The following FBLIM1 variants were observed in gnomAD, a reference collection of about 807,000 sequenced individuals.
FBLIM1 encodes the protein filamin binding LIM protein 1.
FBLIM1 carries 29 observed loss-of-function variants against 37.4 expected under a neutral mutation model. That is an observed-to-expected ratio of 0.77 (90% confidence interval 0.58 to 1.06). The LOEUF is 1.06. Among genes scored for constraint, FBLIM1 ranks in the 50% least tolerant of loss-of-function variants. The pLI is 0.00. For synonymous variants in FBLIM1, 193 were observed against 199.0 expected, an observed-to-expected ratio of 0.97 and a Z score of 0.25; for missense variants, 449 against 505.6, an observed-to-expected ratio of 0.89 and a Z score of 1.07.
In FBLIM1 at chr1:15,765,810, G is replaced by T. The variant is rs1352541963; in HGVS notation, c.250+577G>T. Among the ~76,000 whole-genome samples the T allele has an allele frequency of 1.3e-5, 2 of 152,144 alleles. No homozygotes were observed. Among genetic ancestry groups the T allele is most frequent in the South Asian group, 2.1e-4 (1 of 4,824 alleles). On this transcript the variant is annotated intron_variant, in intron 3 of 8. Transcript: ENST00000375766. The surrounding 1 kb of genome is among the most constrained non-coding windows in gnomAD (Gnocchi z 5.9). ...CCCCTTTCTGCCCACCTGCCCTGTG[G>T]CCTCGGGTCCCCCTGCTTCTCTCTT...
At chr1:15,756,783 A>G (rs2068449027), upstream of FBLIM1, 1 of 152,238 alleles carries the variant, frequency 6.6e-6, no homozygotes, top group Non-Finnish European at 1.5e-5. Flanking sequence ...TCCCAGAGCA[A>G]ATGTGGGAAG....
chr1:15,775,068 A>C, intron 7 of FBLIM1: 1 of 633,402 alleles, frequency 1.6e-6, no homozygotes. Flanking sequence ...AATACAAAAA[A>C]AATTAGCCAG....
At chr1:15,772,421 T>G (rs1355288385) in intron 6 of FBLIM1, among the ~76,000 whole-genome samples, 4 of 152,026 alleles carry the variant, frequency 2.6e-5, no homozygotes, top group Admixed American at 6.6e-5. Context: ...GGAGGAAGAC[T>G]TGAGCAGTGT....
intron 8 of FBLIM1, 34 bp downstream of exon 8, chr1:15,777,321 A>T (rs150990423): frequency 5.3e-6 from 8 of 1,519,584 alleles, no homozygotes; most frequent in Middle Eastern, 3.4e-4. Context: ...ATAACATTCC[A>T]TTGCTGCGTG....
At chr1:15,761,505 G>GTCGTTT (rs2068671530) in intron 1 of FBLIM1, among the ~76,000 whole-genome samples, 1 of 152,160 alleles carries the variant, frequency 6.6e-6, no homozygotes, top group Non-Finnish European at 1.5e-5. Context: ...TTATCAGCAA[G>GTCGTTT]TCGTTTGGTA....
chr1:15,758,901 C>G lies in FBLIM1; in HGVS notation c.-211+53C>G, dbSNP rs975260658. On this transcript the variant is annotated intron_variant, in intron 1 of 8. Transcript: ENST00000375766. This position sits in a 1 kb window ranked among gnomAD's most constrained non-coding sequence, Gnocchi z 6.2. The stretch of plus-strand genomic sequence containing the variant: ...CGTCCCTCCGTCCCTGTCCCCGGTG[C>G]ACACAGGTGACAGCGCCGGCAGTGC... 4.6e-5 allele frequency: 7 copies of G among 152,048 alleles called. No homozygotes were observed. Among genetic ancestry groups the G allele is most frequent in the African/African-American group, 1.7e-4 (7 of 41,438 alleles). The allele number at this position is 152,048 out of a possible 1,614,324, so 9.4% of individuals were successfully genotyped here.
intron 2 of FBLIM1, 27 bp from the exon 3 acceptor site, chr1:15,764,937 C>A (rs773402799): frequency 1.3e-5 from 21 of 1,569,694 alleles, no homozygotes; most frequent in Non-Finnish European, 1.6e-5. Flanking sequence ...GGTGGCAATC[C>A]TGTGCTGTAC....
chr1:15,775,532 C>G (rs1389154099), intron 7 of FBLIM1, among the ~76,000 whole-genome samples: 2 of 143,496 alleles, frequency 1.4e-5, no homozygotes, highest in African/African-American at 2.7e-5. Flanking sequence ...GAGACTCTGT[C>G]TCAAAAAAAA....
At chr1:15,763,960 G>C (rs891555175) in intron 1 of FBLIM1, among the ~76,000 whole-genome samples, 1 of 152,120 alleles carries the variant, frequency 6.6e-6, no homozygotes, top group Non-Finnish European at 1.5e-5. Flanking sequence ...TTTGAGTAAA[G>C]GAGAAAGAGA....
At chr1:15,760,647 C>T (rs1404892043) in intron 1 of FBLIM1, among the ~76,000 whole-genome samples, 1 of 151,852 alleles carries the variant, frequency 6.6e-6, no homozygotes, top group Non-Finnish European at 1.5e-5. Flanking sequence ...GGGTGACCCC[C>T]CCTGAGCTGC....
Position 15,764,579 on chromosome 1 carries a change from A to G in FBLIM1, c.-127A>G, listed in dbSNP as rs6429776. 63,843 of 181,872 alleles carry G rather than the reference A, an allele frequency of 0.35. 12,455 individuals carry two copies. The highest frequency in any genetic ancestry group is 0.54 in the African/African-American group (22,632 of 42,298). The allele number at this position is 181,872 out of a possible 1,614,324, so 11.3% of individuals were successfully genotyped here. A position where few individuals can be genotyped will look rare whatever the true frequency, so the allele number is the denominator to read the frequency against. On this transcript the variant is annotated 5_prime_UTR_variant, in exon 2 of 9. Coordinates refer to ENST00000375766, the MANE Select transcript of FBLIM1 (RefSeq NM_017556.4). The stretch of plus-strand genomic sequence containing the variant: ...GAGGTCACTTGGGGTGTGGCCCAGC[A>G]GGCAGGCGGGACTCCAGACTGGGAA...
intron 7 of FBLIM1, among the ~76,000 whole-genome samples, chr1:15,775,826 C>T (rs2069469927): frequency 6.6e-6 from 1 of 152,110 alleles, no homozygotes; most frequent in Non-Finnish European, 1.5e-5. Context: ...CCTAGCAGGG[C>T]CTGTCCAGAG....
intron 8 of FBLIM1, among the ~76,000 whole-genome samples, chr1:15,779,989 C>G (rs2069595294): frequency 6.6e-6 from 1 of 152,118 alleles, no homozygotes; most frequent in Non-Finnish European, 1.5e-5. Context: ...AAGCAGTTCT[C>G]TCACCTTAGC....
chr1:15,778,122 G>A (rs1379105844), intron 8 of FBLIM1, among the ~76,000 whole-genome samples: 1 of 152,176 alleles, frequency 6.6e-6, no homozygotes, highest in African/African-American at 2.4e-5. Context: ...CACTGTGGCT[G>A]GGGTGCTAGG....
rs2069520152 is a variant in FBLIM1 at position 15,777,232 on chromosome 1, C to T, written c.953C>T (p.Ala318Val). 1.2e-6 allele frequency: 2 copies of T among 1,613,372 alleles called. No homozygotes were observed. Among genetic ancestry groups the T allele is most frequent in the Admixed American group, 1.7e-5 (1 of 59,952 alleles). ...ATCATCCCTCGGGATGGGAAAGATG[C>T]CTTCAAAATCGAATGCATGGGAAGA... ...NPIIPRDGKD[A>V]FKIECMGRNF... The change falls in exon 8 of 9, where the codon GCC becomes GTC. Residue 318 changes from alanine (A) to valine (V), a missense_variant. By Grantham distance (64) the Ala-to-Val change is moderately conservative (BLOSUM62 0). Transcript: ENST00000375766.
chr1:15,775,477 G>A (rs1050682007), intron 7 of FBLIM1, among the ~76,000 whole-genome samples: 2 of 151,442 alleles, frequency 1.3e-5, no homozygotes, highest in Admixed American at 6.6e-5. Flanking sequence ...GGAGTTTGCA[G>A]TGAGCCGAGA....
At chr1:15,759,829 C>T (rs1314526366) in intron 1 of FBLIM1, among the ~76,000 whole-genome samples, 1 of 152,178 alleles carries the variant, frequency 6.6e-6, no homozygotes, top group Non-Finnish European at 1.5e-5. Context: ...TGAGGGAACC[C>T]CTCCCCTAAG....
chr1:15,762,024 G>A (rs2068693863), intron 1 of FBLIM1, among the ~76,000 whole-genome samples: 1 of 152,072 alleles, frequency 6.6e-6, no homozygotes, highest in Non-Finnish European at 1.5e-5. Flanking sequence ...CCTGAGAGAT[G>A]GGAAATAATG....
rs763280418 is a variant in FBLIM1 at position 15,765,105 on chromosome 1, G to A, written c.122G>A (p.Arg41His). ...GCAGTTTGTGAGGCCCGGCGTGGCC[G>A]CCCCTGGGAGGCTCCTGCCCCCATG... is the stretch of plus-strand genomic sequence containing the variant. ...RQAVCEARRG[R>H]PWEAPAPMKT... Residue 41 changes from arginine to histidine, a missense_variant, in exon 3 of 9, where the codon CGC becomes CAC. Coordinates refer to ENST00000375766, the MANE Select transcript of FBLIM1 (RefSeq NM_017556.4). The surrounding 1 kb of genome is among the most constrained non-coding windows in gnomAD (Gnocchi z 5.9). The A allele has an allele frequency of 4.6e-5, 75 of 1,613,692 alleles. No homozygotes were observed. Among genetic ancestry groups the A allele is most frequent in the Non-Finnish European group, 5.9e-5 (70 of 1,179,868 alleles).
Sources: allele counts gnomAD v4.1 joint callset (sites outside exome capture counted in the v4.1 genomes callset), GRCh38; gene constraint gnomAD v4.1.1; non-coding constraint Gnocchi (gnomAD v3.1); transcripts MANE v1.5; gene names NCBI Gene and HGNC (gene_info 2026-07-23, HGNC 2026-07-21).